The following TEX11 variants were observed in gnomAD, a reference collection of about 807,000 sequenced individuals.
TEX11 encodes testis expressed 11.
TEX11 carries 7 observed loss-of-function variants against 84.4 expected under a neutral mutation model. That is an observed-to-expected ratio of 0.08 (90% CI 0.05 to 0.16). The LOEUF (loss-of-function observed/expected upper bound fraction) is 0.16. TEX11 is among the 10% of genes least tolerant of loss of function. The pLI is 1.00. For synonymous variants in TEX11, 264 were observed against 222.8 expected (o/e 1.18, Z -1.64); for missense variants, 551 against 660.5 (o/e 0.83, Z 1.82).
intron 8 of TEX11, among the ~76,000 whole-genome samples, chrX:70,820,265 C>G (rs1163154639): frequency 1.3e-4 from 15 of 111,637 alleles, no homozygotes; most frequent in Non-Finnish European, 2.1e-4. Context: ...TAAATCCACA[C>G]ATTCACAGGC....
At chrX:70,666,419 C>A (rs2089976706) in intron 16 of TEX11, among the ~76,000 whole-genome samples, 1 of 111,813 alleles carries the variant, frequency 8.9e-6, no homozygotes, top group East Asian at 2.8e-4. Flanking sequence ...CAGTTGAGGA[C>A]AAACATAGTA....
At chrX:70,697,546 C>T (rs1254073498) in intron 13 of TEX11, among the ~76,000 whole-genome samples, 1 of 112,128 alleles carries the variant, frequency 8.9e-6, no homozygotes, top group Admixed American at 9.5e-5. Flanking sequence ...TACTCTTAGA[C>T]ATAGCTCACA....
At chrX:70,578,980 C>T (rs1223386639) in intron 25 of TEX11, among the ~76,000 whole-genome samples, 1 of 107,636 alleles carries the variant, frequency 9.3e-6, no homozygotes, top group African/African-American at 3.4e-5. Context: ...CCATGTTGGC[C>T]AGACTGGTCT....
At chrX:70,795,078 C>T (rs2091148178) in intron 9 of TEX11, among the ~76,000 whole-genome samples, 1 of 109,096 alleles carries the variant, frequency 9.2e-6, no homozygotes, top group Non-Finnish European at 1.9e-5. Flanking sequence ...TCTGGACCTA[C>T]CCTGGGCCAG....
At chrX:70,885,883 T>A (rs2091705580) in intron 2 of TEX11, among the ~76,000 whole-genome samples, 4 of 70,845 alleles carry the variant, frequency 5.6e-5, no homozygotes, top group Admixed American at 2.3e-4. Context: ...AGTGAGACAC[T>A]GCCACAAAAA....
At chrX:70,775,632 T>A (rs2090996570) in intron 9 of TEX11, among the ~76,000 whole-genome samples, 1 of 107,570 alleles carries the variant, frequency 9.3e-6, no homozygotes, top group Non-Finnish European at 1.9e-5. Flanking sequence ...AAACCCCATC[T>A]CTACTAAAAA....
intron 4 of TEX11, among the ~76,000 whole-genome samples, chrX:70,873,011 C>T (rs375099316): frequency 9.0e-6 from 1 of 110,650 alleles, no homozygotes. Flanking sequence ...TATCTTTAAA[C>T]GTTTGTTAAT....
chrX:70,749,517 C>A (rs768928132), intron 9 of TEX11, among the ~76,000 whole-genome samples: 1 of 107,649 alleles, frequency 9.3e-6, no homozygotes, highest in South Asian at 4.3e-4. Context: ...AAAGGGAATG[C>A]TTCCAGTGTT....
chrX:70,627,317 G>T (rs767711352), intron 18 of TEX11, among the ~76,000 whole-genome samples: 1 of 112,356 alleles, frequency 8.9e-6, no homozygotes, highest in East Asian at 2.8e-4. Flanking sequence ...TGGGATAAAT[G>T]AGCATGTTCA....
intron 17 of TEX11, 111 bp downstream of exon 17, chrX:70,651,339 T>G (rs1045093185): frequency 4.4e-6 from 2 of 453,548 alleles, no homozygotes; most frequent in African/African-American, 2.5e-5. Context: ...AGACAGAACA[T>G]ATATTCAATT....
chrX:70,728,268 C>A (rs1288881675), intron 11 of TEX11, among the ~76,000 whole-genome samples: 2 of 112,159 alleles, frequency 1.8e-5, no homozygotes, highest in Non-Finnish European at 1.9e-5. Context: ...TCTGCATTTC[C>A]AACTGAGGTA....
At chrX:70,686,563 A>G (rs2090190370) in intron 13 of TEX11, among the ~76,000 whole-genome samples, 1 of 110,741 alleles carries the variant, frequency 9.0e-6, no homozygotes, top group African/African-American at 3.3e-5. Flanking sequence ...GAAGGAGAGC[A>G]TCAAGACAAA....
intron 18 of TEX11, among the ~76,000 whole-genome samples, chrX:70,625,224 T>C (rs2089437399): frequency 9.0e-6 from 1 of 110,840 alleles, no homozygotes; most frequent in Non-Finnish European, 1.9e-5. Context: ...TTATTAGCAG[T>C]AAACAAAAGA....
intron 8 of TEX11, among the ~76,000 whole-genome samples, chrX:70,832,283 A>T (rs1440888733): frequency 8.9e-6 from 1 of 111,936 alleles, no homozygotes; most frequent in Non-Finnish European, 1.9e-5. Flanking sequence ...AAGAATGAGG[A>T]GGTGTTCCAG....
intron 11 of TEX11, among the ~76,000 whole-genome samples, chrX:70,727,585 C>T (rs1474202045): frequency 9.0e-6 from 1 of 111,576 alleles, no homozygotes; most frequent in Non-Finnish European, 1.9e-5. Context: ...TATACAGTTG[C>T]TATGGACCGA....
At position 70,559,466 on chromosome X, in the gene TEX11, G is replaced by A. The variant is rs937838339; in HGVS notation, c.2141-4666C>T. Among the ~76,000 whole-genome samples, 3 of 112,209 alleles carry A rather than the reference G, an allele frequency of 2.7e-5. No individual in the cohort carries two copies. The Admixed American group carries it at 2.8e-4, about 11-fold the overall frequency. ...TGCTTTCCTTTTGAGGTAATAAAATGTTCCAAAATTGATTGTCAGTGGTGG... is the reference window on the plus strand; with the variant it reads ...TGCTTTCCTTTTGAGGTAATAAAATATTCCAAAATTGATTGTCAGTGGTGG... On this transcript the variant is annotated intron_variant, in intron 25 of 29. Transcript: ENST00000374333.
chrX:70,752,324 A>T (rs2090832279), intron 9 of TEX11, among the ~76,000 whole-genome samples: 1 of 110,007 alleles, frequency 9.1e-6, no homozygotes, highest in Admixed American at 9.8e-5. Flanking sequence ...CAGGAGTTGG[A>T]GACCAGCTTG....
At chrX:70,566,706 T>G (rs1163877187) in intron 25 of TEX11, among the ~76,000 whole-genome samples, 1 of 111,791 alleles carries the variant, frequency 8.9e-6, no homozygotes, top group Non-Finnish European at 1.9e-5. Context: ...TGGATTACAT[T>G]TATTGATTTG....
chrX:70,564,207 C>T (rs747127422), intron 25 of TEX11, among the ~76,000 whole-genome samples: 5 of 111,330 alleles, frequency 4.5e-5, no homozygotes, highest in Non-Finnish European at 3.8e-5. Context: ...CCAGCCTGGG[C>T]GACAGAGTGA....
Sources: gnomAD v4.1 joint callset for allele counts (sites outside exome capture counted in the v4.1 genomes callset) on GRCh38, gnomAD v4.1.1 for gene constraint, MANE v1.5 for transcripts, NCBI Gene and HGNC (gene_info 2026-07-23, HGNC 2026-07-21) for gene names.